The following PARVG variants were observed in gnomAD, a reference collection of about 807,000 sequenced individuals.
The protein encoded by PARVG is parvin gamma.
Under a neutral mutation model 44.4 loss-of-function variants are expected in PARVG, and 36 were observed. That is an observed-to-expected ratio of 0.81 (90% CI 0.62 to 1.07). The LOEUF is 1.07. Among genes scored for constraint, PARVG ranks in the 50% least tolerant of loss-of-function variants. The pLI, the probability that PARVG is intolerant of heterozygous loss-of-function variation, is 0.00. For missense variants in PARVG, 407 were observed against 407.4 expected, an observed-to-expected ratio of 1.00 and a Z score of 0.01; for synonymous variants, 170 against 174.1, an observed-to-expected ratio of 0.98 and a Z score of 0.19.
At chr22:44,187,979 G>T (rs2054497831) in intron 5 of PARVG, 101 bp downstream of exon 5, 2 of 1,212,154 alleles carry the variant, frequency 1.6e-6, no homozygotes, top group South Asian at 1.2e-5. Flanking sequence ...TCCCCACAAT[G>T]GTCCCGGGTT....
intron 8 of PARVG, 121 bp from the exon 9 acceptor site, chr22:44,193,680 C>T: frequency 7.6e-7 from 1 of 1,308,652 alleles, no homozygotes; most frequent in East Asian, 2.4e-5. Flanking sequence ...CCAGGAAAAC[C>T]ACAAGCATGC....
At chr22:44,205,040 A>G (rs2054761039) in intron 12 of PARVG, among the ~76,000 whole-genome samples, 1 of 152,176 alleles carries the variant, frequency 6.6e-6, no homozygotes, top group Admixed American at 6.5e-5. Flanking sequence ...GGCCCTGGGC[A>G]GGGACTAAGC....
intron 8 of PARVG, 21 bp downstream of exon 8, chr22:44,192,125 C>T: frequency 6.2e-7 from 1 of 1,610,830 alleles, no homozygotes; most frequent in Non-Finnish European, 8.5e-7. Flanking sequence ...GATGAGGGCC[C>T]ATGGGTGGGG....
chr22:44,176,644 C>CA (rs36091639), upstream of PARVG, among the ~76,000 whole-genome samples: 1 of 149,592 alleles, frequency 6.7e-6, no homozygotes, highest in Non-Finnish European at 1.5e-5. Flanking sequence ...AGAGCAAAGG[C>CA]TTTTTTTTTT....
At chr22:44,183,669 T>A in intron 3 of PARVG, 1 of 446,974 alleles carries the variant, frequency 2.2e-6, no homozygotes, top group Non-Finnish European at 3.9e-6. Flanking sequence ...CTGTGAGCCT[T>A]CTGAGTGCCC....
chr22:44,190,630 C>T lies in PARVG; in HGVS notation c.468C>T (p.Leu156=). The T allele has an allele frequency of 6.2e-7, 1 of 1,614,166 alleles. No individual in the cohort carries two copies. Among genetic ancestry groups the T allele is most frequent in the South Asian group, 1.1e-5 (1 of 91,082 alleles). Residue 156 remains leucine, a synonymous_variant, in exon 7 of 14, where the codon CTC becomes CTT. Transcript: ENST00000444313. The part of the protein sequence containing the change: ...LAKRFQPDLS[L]PTNVQVEVIT... Reference sequence around the variant, plus strand: ...AGCGCTTCCAGCCCGACCTCTCCCTCCCAACCAACGTCCAGGTGGAGGTCA... The same window carrying T: ...AGCGCTTCCAGCCCGACCTCTCCCTTCCAACCAACGTCCAGGTGGAGGTCA...
intron 1 of PARVG, among the ~76,000 whole-genome samples, chr22:44,173,572 G>A (rs2054291133): frequency 6.6e-6 from 1 of 152,174 alleles, no homozygotes; most frequent in Non-Finnish European, 1.5e-5. Flanking sequence ...TATAAACTGT[G>A]GATGGAAGGA....
chr22:44,192,102 C>T lies in PARVG; in HGVS notation c.558C>T (p.Tyr186=), dbSNP rs761193690. 3.7e-6 allele frequency: 6 copies of T among 1,612,930 alleles called. No individual in the cohort carries two copies. Among genetic ancestry groups the T allele is most frequent in the Non-Finnish European group, 5.1e-6 (6 of 1,179,828 alleles). The stretch of plus-strand genomic sequence containing the variant: ...AGTTGGTGGAACAGCTCACTGAATA[C>T]AGGTGAGGGAAGGATGAGGGCCCAT... ...SEKLVEQLTE[Y]STDKDEPPKD... is the part of the protein sequence containing the mutation. The change falls in exon 8 of 14, where the codon TAC becomes TAT. Residue 186 remains tyrosine (Y), a splice_region_variant and synonymous_variant. Transcript: ENST00000444313.
Position 44,205,702 on chromosome 22 carries a change from G to A in PARVG, c.814-55G>A, listed in dbSNP as rs924525210. 3 of 1,604,002 alleles carry A rather than the reference G, an allele frequency of 1.9e-6. No individual in the cohort carries two copies. In the African/African-American group the frequency reaches 4.0e-5, roughly 21 times the overall value. On this transcript the variant is annotated intron_variant, in intron 12 of 13. Coordinates refer to ENST00000444313, the MANE Select transcript of PARVG (RefSeq NM_022141.7). Reference sequence around the variant, plus strand: ...AAGGGCTTGGCACTTGGGACCCAAGGCCTGGCCTGGGGCTGCTGCTTGTGC... The same window carrying A: ...AAGGGCTTGGCACTTGGGACCCAAGACCTGGCCTGGGGCTGCTGCTTGTGC...
At chr22:44,189,386 G>A in intron 6 of PARVG, 132 bp downstream of exon 6, 1 of 1,380,168 alleles carries the variant, frequency 7.2e-7, no homozygotes. Context: ...GAGTCAGGAA[G>A]GAGGTAGAAG....
intron 7 of PARVG, among the ~76,000 whole-genome samples, chr22:44,191,098 C>T (rs962940371): frequency 1.3e-5 from 2 of 152,206 alleles, no homozygotes; most frequent in Admixed American, 1.3e-4. Context: ...GTGACAGTGC[C>T]CTGTTCTCTT....
At chr22:44,198,592 G>A in intron 11 of PARVG, 29 bp from the exon 12 acceptor site, 1 of 1,546,212 alleles carries the variant, frequency 6.5e-7, no homozygotes, top group East Asian at 2.2e-5. Context: ...CTTCTTCCAT[G>A]TGATTGTCTC....
intron 6 of PARVG, 75 bp from the exon 7 acceptor site, chr22:44,190,476 C>T: frequency 9.1e-7 from 1 of 1,098,720 alleles, no homozygotes; most frequent in Non-Finnish European, 1.4e-6. Flanking sequence ...GTTGTTCTGA[C>T]AGTGAGGAAG....
chr22:44,205,616 G>C, intron 12 of PARVG, 141 bp from the exon 13 acceptor site: 1 of 883,278 alleles, frequency 1.1e-6, no homozygotes, highest in South Asian at 1.5e-5. Context: ...TTGTGGTCGT[G>C]GTCAGGGATG....
Position 44,181,915 on chromosome 22 carries a change from T to C in PARVG, c.-15T>C. 1.0e-6 allele frequency: 1 copy of C among 985,528 alleles called. No individual in the cohort carries two copies. The allele number at this position is 985,528 out of a possible 1,614,324, so 61.0% of individuals were successfully genotyped here. On this transcript the variant is annotated splice_region_variant and 5_prime_UTR_variant, in exon 2 of 14. Coordinates refer to ENST00000444313, the MANE Select transcript of PARVG (RefSeq NM_022141.7). ...TTTGTTTTCCTGCGTGGAAAGCGGTTGGGTGAGTTCTGGCATCGGGGCCAC... is the reference window on the plus strand; with the variant it reads ...TTTGTTTTCCTGCGTGGAAAGCGGTCGGGTGAGTTCTGGCATCGGGGCCAC...
chr22:44,180,015 C>G (rs1401170100), upstream of PARVG, among the ~76,000 whole-genome samples: 2 of 152,210 alleles, frequency 1.3e-5, no homozygotes, highest in East Asian at 3.8e-4. Context: ...CTCCTCACAT[C>G]TATGGGCCGC....
intron 12 of PARVG, among the ~76,000 whole-genome samples, chr22:44,201,190 C>T (rs565575701): frequency 2.0e-5 from 3 of 152,312 alleles, no homozygotes; most frequent in Admixed American, 6.5e-5. Context: ...TGCAGTCCCT[C>T]GGCGCTCTGT....
chr22:44,206,479 C>G lies in PARVG; in HGVS notation c.*53C>G. ...TGCCTGTCAGCCCAGCTGGAGGGCCCGAGGCTGCAGGGTGTCCTCCCACAG... is the reference window on the plus strand; with the variant it reads ...TGCCTGTCAGCCCAGCTGGAGGGCCGGAGGCTGCAGGGTGTCCTCCCACAG... On this transcript the variant is annotated 3_prime_UTR_variant, in exon 14 of 14. Coordinates refer to ENST00000444313, the MANE Select transcript of PARVG (RefSeq NM_022141.7). 1 of 1,536,350 alleles carries G rather than the reference C, an allele frequency of 6.5e-7. No individual in the cohort carries two copies. Among genetic ancestry groups the G allele is most frequent in the Non-Finnish European group, 9.0e-7 (1 of 1,110,444 alleles).
intron 11 of PARVG, 111 bp from the exon 12 acceptor site, chr22:44,198,510 A>G: frequency 1.2e-6 from 1 of 807,350 alleles, no homozygotes; most frequent in South Asian, 1.6e-5. Flanking sequence ...TCAAGGCACC[A>G]GAGGCTCAGA....
Sources: gnomAD v4.1 joint callset for allele counts (sites outside exome capture counted in the v4.1 genomes callset) on GRCh38, gnomAD v4.1.1 for gene constraint, MANE v1.5 for transcripts, NCBI Gene and HGNC (gene_info 2026-07-23, HGNC 2026-07-21) for gene names.